The following SPECC1 variants were observed in gnomAD, a reference collection of about 807,000 sequenced individuals.
The protein encoded by SPECC1 is sperm antigen with calponin homology and coiled-coil domains 1, also known as cytospin-B.
A neutral mutation model predicts 104.1 loss-of-function variants in SPECC1; 62 were observed. The ratio of observed to expected loss-of-function variants is 0.60; its 90% confidence interval spans 0.49 to 0.74. The LOEUF is 0.74. Ranked by LOEUF, SPECC1 falls within the 30% of genes least tolerant of loss-of-function variation. The probability of loss-of-function intolerance (pLI) is 0.00; values close to 1 mark genes in which losing one functional copy is unlikely to be tolerated. For missense variants in SPECC1, 1,306 were observed against 1,310.5 expected, an observed-to-expected ratio of 1.00 and a Z score of 0.05; for synonymous variants, 513 against 501.6, an observed-to-expected ratio of 1.02 and a Z score of -0.30.
intron 1 of SPECC1, among the ~76,000 whole-genome samples, chr17:20,019,279 C>T (rs1336377113): frequency 6.6e-6 from 1 of 151,192 alleles, no homozygotes; most frequent in Non-Finnish European, 1.5e-5. Flanking sequence ...AAAAAGCAGT[C>T]TTAGGCCTGC....
chr17:20,065,147 CACA>C (rs1296459915), intron 1 of SPECC1, among the ~76,000 whole-genome samples: 2 of 152,156 alleles, frequency 1.3e-5, no homozygotes, highest in Admixed American at 6.5e-5. Context: ...GCTCTCACAC[CACA>C]ACAACAGTCA....
intron 1 of SPECC1, among the ~76,000 whole-genome samples, chr17:20,019,548 T>C (rs1370496779): frequency 6.6e-6 from 1 of 152,086 alleles, no homozygotes; most frequent in Non-Finnish European, 1.5e-5. Context: ...CATTCAAAAT[T>C]ATTTTGAAAA....
intron 12 of SPECC1, among the ~76,000 whole-genome samples, chr17:20,287,227 C>G (rs1233216365): frequency 6.6e-6 from 1 of 152,066 alleles, no homozygotes; most frequent in African/African-American, 2.4e-5. Flanking sequence ...ACCATCCTGG[C>G]TAACAAGGTG....
chr17:20,293,502 C>T (rs147168943), intron 12 of SPECC1, among the ~76,000 whole-genome samples: 3 of 152,186 alleles, frequency 2.0e-5, no homozygotes, highest in Admixed American at 1.3e-4. Flanking sequence ...ATTTGGCCAT[C>T]TGGGCAGAGG....
intron 1 of SPECC1, among the ~76,000 whole-genome samples, chr17:20,060,955 T>C (rs2046164033): frequency 6.6e-6 from 1 of 152,244 alleles, no homozygotes; most frequent in Non-Finnish European, 1.5e-5. Flanking sequence ...GTGTTAGTAG[T>C]GCAAGTATAC....
At chr17:20,148,255 T>G (rs2031650289) in intron 3 of SPECC1, among the ~76,000 whole-genome samples, 1 of 152,148 alleles carries the variant, frequency 6.6e-6, no homozygotes, top group Non-Finnish European at 1.5e-5. Flanking sequence ...ATTATTATTT[T>G]TAGAGATAGG....
At chr17:20,211,205 G>A (rs1345719336) in intron 4 of SPECC1, among the ~76,000 whole-genome samples, 1 of 152,232 alleles carries the variant, frequency 6.6e-6, no homozygotes, top group Non-Finnish European at 1.5e-5. Flanking sequence ...GGAGAGGTGG[G>A]AAGGTTACTG....
chr17:20,129,589 C>T, intron 3 of SPECC1, among the ~76,000 whole-genome samples: 1 of 152,090 alleles, frequency 6.6e-6, no homozygotes, highest in Non-Finnish European at 1.5e-5. Context: ...TTCTTCCAGT[C>T]TCTCTTTTAT....
At chr17:20,086,609 G>A (rs576362288) in intron 1 of SPECC1, among the ~76,000 whole-genome samples, 1 of 152,292 alleles carries the variant, frequency 6.6e-6, no homozygotes, top group Admixed American at 6.5e-5. Flanking sequence ...GCAGAGCTGG[G>A]CTGGCTCCTC....
intron 3 of SPECC1, among the ~76,000 whole-genome samples, chr17:20,195,560 A>ATT (rs35368324): frequency 5.0e-5 from 7 of 140,306 alleles, no homozygotes; most frequent in Non-Finnish European, 6.2e-5. Flanking sequence ...ATAAAACCCA[A>ATT]TTTTTTTTTT....
chr17:20,247,848 G>C (rs750545780), intron 9 of SPECC1, among the ~76,000 whole-genome samples: 1 of 152,186 alleles, frequency 6.6e-6, no homozygotes, highest in Non-Finnish European at 1.5e-5. Context: ...AGAGATGACT[G>C]TAGTTAAGCA....
intron 3 of SPECC1, among the ~76,000 whole-genome samples, chr17:20,115,370 G>C (rs2048704627): frequency 6.6e-6 from 1 of 152,106 alleles, no homozygotes; most frequent in Non-Finnish European, 1.5e-5. Flanking sequence ...CTACTCAGGA[G>C]GCTGAGGCAG....
intron 12 of SPECC1, among the ~76,000 whole-genome samples, chr17:20,291,959 A>G (rs1461880744): frequency 1.3e-5 from 2 of 150,616 alleles, no homozygotes; most frequent in African/African-American, 4.9e-5. Flanking sequence ...CTCTTGGGAA[A>G]GAACACTTCC....
chr17:20,180,572 G>A (rs2034810730), intron 3 of SPECC1, among the ~76,000 whole-genome samples: 1 of 152,232 alleles, frequency 6.6e-6, no homozygotes, highest in South Asian at 2.1e-4. Flanking sequence ...CAACTTGGAT[G>A]CTCACAGGGG....
At chr17:20,188,656 TA>T (rs2035445631) in intron 3 of SPECC1, among the ~76,000 whole-genome samples, 1 of 152,172 alleles carries the variant, frequency 6.6e-6, no homozygotes, top group Non-Finnish European at 1.5e-5. Context: ...ATCTGTAAAA[TA>T]ACAATAATAA....
At chr17:20,225,596 C>CAGATGCTGTCTCTCTACCATGT (rs1370636984) in intron 4 of SPECC1, among the ~76,000 whole-genome samples, 3 of 152,154 alleles carry the variant, frequency 2.0e-5, no homozygotes, top group African/African-American at 7.2e-5. Context: ...CCGGGGTGCA[C>CAGATGCTGTCTCTCTACCATGT]AGATGCTGTC....
chr17:20,076,035 C>T lies in SPECC1; in HGVS notation c.-21-20596C>T, dbSNP rs139104601. Reference sequence around the variant, plus strand: ...GTCCCAGCTACTCCAGAGGATCACTCGTACCTAGGAATTCAAGGTTACAAT... The same window carrying T: ...GTCCCAGCTACTCCAGAGGATCACTTGTACCTAGGAATTCAAGGTTACAAT... On this transcript the variant is annotated intron_variant, in intron 1 of 14. Coordinates refer to ENST00000395527, the MANE Select transcript of SPECC1 (RefSeq NM_001243439.2). Among the ~76,000 whole-genome samples, 525 of 152,192 alleles carry T rather than the reference C, an allele frequency of 3.4e-3. 1 individual carries two copies. The highest frequency in any genetic ancestry group is 8.1e-3 in the African/African-American group (335 of 41,488).
rs1472019735 is a variant in SPECC1 at position 20,147,113 on chromosome 17, C to T, written c.283+36551C>T. On this transcript the variant is annotated intron_variant, in intron 3 of 14. Transcript: ENST00000395527. ...TTTTTTTTTTTTTGAGACGGAGTTTCGCTCTTGTTTCCCAGGCTGGAGTGC... is the reference window on the plus strand; with the variant it reads ...TTTTTTTTTTTTTGAGACGGAGTTTTGCTCTTGTTTCCCAGGCTGGAGTGC... Among the ~76,000 whole-genome samples, 33 of 123,238 alleles carry T rather than the reference C, an allele frequency of 2.7e-4. No homozygotes were observed. The Admixed American group carries it at 2.8e-3, about 11-fold the overall frequency. The allele number at this position is 123,238 out of a possible 152,430, so 80.8% of individuals were successfully genotyped here. A position where few individuals can be genotyped will look rare whatever the true frequency, so the allele number is the denominator to read the frequency against.
chr17:20,271,803 C>G (rs2040419572), intron 12 of SPECC1, among the ~76,000 whole-genome samples: 1 of 151,062 alleles, frequency 6.6e-6, no homozygotes, highest in Admixed American at 6.6e-5. Flanking sequence ...TTCAGTATCT[C>G]CCTGAGAATG....
Sources: gnomAD v4.1 joint callset for allele counts (sites outside exome capture counted in the v4.1 genomes callset) on GRCh38, gnomAD v4.1.1 for gene constraint, MANE v1.5 for transcripts, NCBI Gene and HGNC (gene_info 2026-07-23, HGNC 2026-07-21) for gene names.